OOSP2: variants seen among roughly 807,000 people sequenced by gnomAD.
OOSP2 encodes the protein oocyte-secreted protein 2.
A neutral mutation model predicts 13.4 loss-of-function variants in OOSP2; 7 were observed. The ratio of observed to expected loss-of-function variants is 0.52; its 90% CI spans 0.30 to 0.98. The LOEUF is 0.98. OOSP2 is among the 50% of genes least tolerant of loss of function. The pLI is 0.07. For missense variants in OOSP2, 184 were observed against 188.5 expected (o/e 0.98, Z 0.14); for synonymous variants, 75 against 67.2 (o/e 1.12, Z -0.57).
intron 1 of OOSP2, among the ~76,000 whole-genome samples, chr11:60,041,968 C>T (rs548444710): frequency 5.3e-5 from 8 of 151,328 alleles, no homozygotes; most frequent in Admixed American, 2.6e-4. Flanking sequence ...CGAGGTCAGC[C>T]AGGCGTGATG....
At chr11:60,042,032 T>C (rs969530293) in intron 1 of OOSP2, among the ~76,000 whole-genome samples, 5 of 151,706 alleles carry the variant, frequency 3.3e-5, no homozygotes, top group African/African-American at 1.2e-4. Context: ...GGCAGGAGAA[T>C]GGCATGAACC....
At chr11:60,046,785 T>C (rs1855013043) in intron 3 of OOSP2, 159 bp from the exon 4 acceptor site, 2 of 760,488 alleles carry the variant, frequency 2.6e-6, no homozygotes, top group South Asian at 2.7e-5. Flanking sequence ...TCAAATCCTG[T>C]ACCAAGAGTC....
chr11:60,043,837 C>G, intron 2 of OOSP2, 190 bp downstream of exon 2: 2 of 405,190 alleles, frequency 4.9e-6, no homozygotes, highest in Non-Finnish European at 4.4e-6. Flanking sequence ...CCTTAGATCA[C>G]AGATTTATAA....
chr11:60,042,251 T>G (rs1348608834), intron 1 of OOSP2, among the ~76,000 whole-genome samples: 2 of 152,268 alleles, frequency 1.3e-5, no homozygotes, highest in African/African-American at 4.8e-5. Flanking sequence ...TCTTTAATCT[T>G]AGCTGCTGGA....
At chr11:60,045,208 G>A (rs1854993396) in intron 3 of OOSP2, among the ~76,000 whole-genome samples, 2 of 152,064 alleles carry the variant, frequency 1.3e-5, no homozygotes, top group Admixed American at 1.3e-4. Flanking sequence ...AAGAAAATCA[G>A]TCCTTCATTT....
Position 60,046,931 on chromosome 11 carries a change from C to T in OOSP2, c.348-13C>T, listed in dbSNP as rs779930436. On this transcript the variant is annotated splice_polypyrimidine_tract_variant and intron_variant, in intron 3 of 3. Coordinates refer to ENST00000278855, the MANE Select transcript of OOSP2 (RefSeq NM_173801.5). ...CTCCAACACTATCTGCTTTCTGTTT[C>T]CCTTTTCTTTAGGAAATCAGTGTGG... 2 of 1,606,862 alleles carry T rather than the reference C, an allele frequency of 1.2e-6. No homozygotes were observed. Among genetic ancestry groups the T allele is most frequent in the Non-Finnish European group, 1.7e-6 (2 of 1,175,350 alleles).
At chr11:60,045,923 ATCTCTG>A (rs1402752249) in intron 3 of OOSP2, among the ~76,000 whole-genome samples, 1 of 151,554 alleles carries the variant, frequency 6.6e-6, no homozygotes, top group African/African-American at 2.4e-5. Context: ...CTCTGTCTCT[ATCTCTG>A]TCTCTGTCCT....
At chr11:60,046,197 C>CTG (rs939715310) in intron 3 of OOSP2, among the ~76,000 whole-genome samples, 1 of 143,302 alleles carries the variant, frequency 7.0e-6, no homozygotes, top group African/African-American at 2.5e-5. Context: ...TTCTCTGTCT[C>CTG]TCTCTCTCTC....
rs1344840814 is a variant in OOSP2, at chr11:60,043,589, T to C, written c.185T>C (p.Ile62Thr). ...GGAATGGGCTGCCCTGCAAATCGGA[T>C]ACATACATATGTATATGAGTTTATA... The part of the protein sequence containing the change: ...HLGMGCPANR[I>T]HTYVYEFIYL... The change falls in exon 2 of 4, where the codon ATA (isoleucine) becomes ACA (threonine). Residue 62 changes from isoleucine (I) to threonine (T), a missense_variant. Ile to Thr is a moderately conservative substitution (Grantham distance 89, BLOSUM62 -1). Transcript: ENST00000278855. 1.9e-6 allele frequency: 3 copies of C among 1,608,810 alleles called. No homozygotes were observed. The highest frequency in any genetic ancestry group is 2.6e-6 in the Non-Finnish European group (3 of 1,175,166).
chr11:60,040,649 T>G, intron 1 of OOSP2, 126 bp downstream of exon 1: 1 of 636,408 alleles, frequency 1.6e-6, no homozygotes, highest in Non-Finnish European at 2.8e-6. Context: ...AGAAGCGCTT[T>G]CAGGCCAAGT....
chr11:60,043,211 GC>G (rs1189236355), intron 1 of OOSP2, among the ~76,000 whole-genome samples: 16 of 152,184 alleles, frequency 1.1e-4, no homozygotes, highest in African/African-American at 3.9e-4. Context: ...GCCCATTTAT[GC>G]TTTTTCTTAT....
chr11:60,043,558 C>T lies in OOSP2; in HGVS notation c.154C>T (p.His52Tyr), dbSNP rs200249892. Residue 52 changes from histidine (H) to tyrosine (Y), a missense_variant, in exon 2 of 4, where the codon CAT becomes TAT. Transcript: ENST00000278855. Reference protein sequence around the residue: ...RNLYIFADELHLGMGCPANRI... With the variant: ...RNLYIFADELYLGMGCPANRI... ...TCTGTATATATTTGCGGATGAATTACATCTGGGAATGGGCTGCCCTGCAAA... is the reference window on the plus strand; with the variant it reads ...TCTGTATATATTTGCGGATGAATTATATCTGGGAATGGGCTGCCCTGCAAA... The T allele has an allele frequency of 2.4e-5, 38 of 1,609,548 alleles. No individual in the cohort carries two copies. The East Asian group carries it at 6.9e-4, about 29-fold the overall frequency.
At chr11:60,043,196 G>T (rs989662264) in intron 1 of OOSP2, among the ~76,000 whole-genome samples, 1 of 152,258 alleles carries the variant, frequency 6.6e-6, no homozygotes, top group East Asian at 1.9e-4. Flanking sequence ...CAGCCACTGC[G>T]CCCGGCCCAT....
chr11:60,045,215 A>T (rs1269570978), intron 3 of OOSP2, among the ~76,000 whole-genome samples: 2 of 152,224 alleles, frequency 1.3e-5, no homozygotes, highest in Non-Finnish European at 2.9e-5. Flanking sequence ...TCAGTCCTTC[A>T]TTTAATACTA....
intron 2 of OOSP2, 56 bp downstream of exon 2, chr11:60,043,703 C>G: frequency 1.0e-6 from 1 of 971,400 alleles, no homozygotes. Context: ...ACTTTTATGC[C>G]TAGTATTAAA....
chr11:60,043,864 A>G (rs1590602327), intron 2 of OOSP2: 1 of 373,406 alleles, frequency 2.7e-6, no homozygotes, highest in East Asian at 4.0e-5. Flanking sequence ...TAGGGAACTG[A>G]TTCTAAGTTG....
Position 60,046,961 on chromosome 11 carries a change from C to A in OOSP2, c.365C>A (p.Thr122Lys). 1 of 1,610,514 alleles carries A rather than the reference C, an allele frequency of 6.2e-7. No homozygotes were observed. Among genetic ancestry groups the A allele is most frequent in the Non-Finnish European group, 8.5e-7 (1 of 1,177,046 alleles). Residue 122 changes from threonine (T) to lysine (K), a missense_variant, in exon 4 of 4, where the codon ACA becomes AAA. Thr to Lys is a moderately conservative substitution (Grantham distance 78). Coordinates refer to ENST00000278855, the MANE Select transcript of OOSP2 (RefSeq NM_173801.5). ...CSTSRKSVWL[T>K]PVSTENEIKL... ...TTCTTTAGGAAATCAGTGTGGCTTA[C>A]ACCAGTTTCTACTGAGAATGAAATA...
At position 60,040,446 on chromosome 11, in the gene OOSP2, A is replaced by G. The variant is rs1185057506; in HGVS notation, c.-14A>G. The G allele has an allele frequency of 3.2e-6, 5 of 1,555,106 alleles. No homozygotes were observed. The highest frequency in any genetic ancestry group is 2.7e-6 in the Non-Finnish European group (3 of 1,126,010). On this transcript the variant is annotated 5_prime_UTR_variant, in exon 1 of 4. Coordinates refer to ENST00000278855, the MANE Select transcript of OOSP2 (RefSeq NM_173801.5). ...GTTGTCCTGTGCTGGAGGTCTGCTC[A>G]GACGAAGGTCTCCATGGCGTTAGAA...
chr11:60,041,222 T>A (rs1000294196), intron 1 of OOSP2, among the ~76,000 whole-genome samples: 5 of 152,230 alleles, frequency 3.3e-5, no homozygotes, highest in Admixed American at 1.3e-4. Flanking sequence ...TCTTTGAAAC[T>A]GATACGTCAA....
Sources: gnomAD v4.1 joint callset for allele counts (sites outside exome capture counted in the v4.1 genomes callset) on GRCh38, gnomAD v4.1.1 for gene constraint, MANE v1.5 for transcripts, NCBI Gene and HGNC (gene_info 2026-07-23, HGNC 2026-07-21) for gene names.